ADARB2: variants seen among roughly 807,000 people sequenced by gnomAD.
The protein encoded by ADARB2 is inactive double-stranded RNA-specific editase B2.
A neutral mutation model predicts 62.2 loss-of-function variants in ADARB2; 25 were observed. That is an observed-to-expected ratio of 0.40 (90% CI 0.29 to 0.56). The LOEUF is 0.56. ADARB2 is among the 20% of genes least tolerant of loss of function. The pLI is 0.43. For synonymous variants in ADARB2, 572 were observed against 500.8 expected (o/e 1.14, Z -1.90); for missense variants, 1,071 against 1,077.4 (o/e 0.99, Z 0.08).
chr10:1,697,537 C>T (rs536577119), intron 1 of ADARB2, among the ~76,000 whole-genome samples: 1 of 152,308 alleles, frequency 6.6e-6, no homozygotes, highest in South Asian at 2.1e-4. Flanking sequence ...AAAGATTCAT[C>T]TACACAGATC....
At chr10:1,272,966 C>T (rs927280621) in intron 3 of ADARB2, among the ~76,000 whole-genome samples, 4 of 152,216 alleles carry the variant, frequency 2.6e-5, no homozygotes, top group Non-Finnish European at 5.9e-5. Flanking sequence ...GGCCTCCGGG[C>T]GTCCCTGGGT....
At chr10:1,185,659 GAC>G (rs1836743440) in intron 8 of ADARB2, among the ~76,000 whole-genome samples, 1 of 152,244 alleles carries the variant, frequency 6.6e-6, no homozygotes, top group Non-Finnish European at 1.5e-5. Flanking sequence ...ATTTCATGAT[GAC>G]AGTGGGGCGT....
chr10:1,245,997 C>T (rs1830983224), intron 4 of ADARB2, among the ~76,000 whole-genome samples: 1 of 151,588 alleles, frequency 6.6e-6, no homozygotes, highest in Admixed American at 6.6e-5. Flanking sequence ...TCTCCAGCAC[C>T]TGTTGTTTCC....
chr10:1,297,290 G>C (rs960951456), intron 3 of ADARB2, among the ~76,000 whole-genome samples: 3 of 152,188 alleles, frequency 2.0e-5, no homozygotes, highest in African/African-American at 7.2e-5. Flanking sequence ...CGTCAGCCGT[G>C]GTTATGGACC....
At chr10:1,457,392 G>A (rs2131905717) in intron 1 of ADARB2, among the ~76,000 whole-genome samples, 1 of 152,252 alleles carries the variant, frequency 6.6e-6, no homozygotes, top group East Asian at 1.9e-4. Context: ...TCTCATCTCA[G>A]GGTCTTTGTC....
chr10:1,362,980 C>T, intron 3 of ADARB2, 48 bp downstream of exon 3: 1 of 1,277,852 alleles, frequency 7.8e-7, no homozygotes, highest in Non-Finnish European at 9.9e-7. Flanking sequence ...GGGTCTCCCC[C>T]GCGCCCCCAG....
intron 1 of ADARB2, among the ~76,000 whole-genome samples, chr10:1,524,620 A>G (rs1832117558): frequency 6.6e-6 from 1 of 152,174 alleles, no homozygotes. Context: ...TTTCACAGGA[A>G]TCTATTTCTG....
At chr10:1,731,838 G>A (rs1173978466) in intron 1 of ADARB2, among the ~76,000 whole-genome samples, 1 of 152,094 alleles carries the variant, frequency 6.6e-6, no homozygotes, top group East Asian at 1.9e-4. Flanking sequence ...AGGGCAGCCA[G>A]GCTTTTCATA....
intron 1 of ADARB2, among the ~76,000 whole-genome samples, chr10:1,586,029 A>G (rs530502847): frequency 1.1e-4 from 17 of 152,292 alleles, no homozygotes; most frequent in South Asian, 1.0e-3. Flanking sequence ...GCGAGACTCC[A>G]TCTCAAACAA....
chr10:1,512,578 A>G (rs1831950270), intron 1 of ADARB2, among the ~76,000 whole-genome samples: 1 of 152,250 alleles, frequency 6.6e-6, no homozygotes, highest in South Asian at 2.1e-4. Flanking sequence ...GCTATTTCCA[A>G]ATAAATCCAA....
intron 1 of ADARB2, among the ~76,000 whole-genome samples, chr10:1,387,144 G>A (rs2820599): frequency 0.94 from 142,138 of 151,928 alleles, 67,213 homozygotes; most frequent in Non-Finnish European, 1. Flanking sequence ...TTAGCTCTAA[G>A]TTTATGCTTA....
intron 3 of ADARB2, among the ~76,000 whole-genome samples, chr10:1,338,174 A>G (rs936602277): frequency 6.6e-6 from 1 of 152,162 alleles, no homozygotes; most frequent in African/African-American, 2.4e-5. Flanking sequence ...AAAAATAGGG[A>G]GTGTCTTAAG....
rs1480999081 is a variant in ADARB2, at chr10:1,255,145, G to T, written c.1193-12846C>A. On this transcript the variant is annotated intron_variant, in intron 4 of 9. Transcript: ENST00000381312. This position sits in a 1 kb window ranked among gnomAD's most constrained non-coding sequence, Gnocchi z 4.7. ...GGAGCAAGCGGGGCCAATGCTCTGAGCTCCTCATGGGGCCAAAACATGAGG... is the reference window on the plus strand; with the variant it reads ...GGAGCAAGCGGGGCCAATGCTCTGATCTCCTCATGGGGCCAAAACATGAGG... 6.6e-6 allele frequency among the ~76,000 whole-genome samples: 1 copy of T among 152,266 alleles called. No individual in the cohort carries two copies. The highest frequency in any genetic ancestry group is 1.5e-5 in the Non-Finnish European group (1 of 68,050).
chr10:1,557,355 C>G (rs11250623), intron 1 of ADARB2, among the ~76,000 whole-genome samples: 51,723 of 151,876 alleles, frequency 0.34, 9,378 homozygotes, highest in South Asian at 0.43. Flanking sequence ...AGCTCCAACT[C>G]TCAACCCGTC....
intron 3 of ADARB2, among the ~76,000 whole-genome samples, chr10:1,359,527 GACACACAAGTCTATC>G (rs1379034306): frequency 6.6e-6 from 1 of 152,218 alleles, no homozygotes; most frequent in Non-Finnish European, 1.5e-5. Flanking sequence ...AAATTCGGAT[GACACACAAGTCTATC>G]GTACGTCATC....
Position 1,193,606 on chromosome 10 carries a change from C to G in ADARB2, c.1864+6360G>C, listed in dbSNP as rs1014562752. On this transcript the variant is annotated intron_variant, in intron 8 of 9. Transcript: ENST00000381312. ...TCATTTGAGATTGTTTTTCTTAAGC[C>G]CAGATAACACATGGAGTGTTTTCTG... 4.6e-5 allele frequency among the ~76,000 whole-genome samples: 7 copies of G among 152,138 alleles called. No homozygotes were observed. In the East Asian group the frequency reaches 1.2e-3, roughly 25 times the overall value.
At chr10:1,450,970 G>T (rs1294100893) in intron 1 of ADARB2, among the ~76,000 whole-genome samples, 1 of 152,208 alleles carries the variant, frequency 6.6e-6, no homozygotes, top group Non-Finnish European at 1.5e-5. Context: ...CCTGCGAATA[G>T]GCACAGCAGC....
chr10:1,345,346 C>T (rs777259295), intron 3 of ADARB2, among the ~76,000 whole-genome samples: 3 of 152,212 alleles, frequency 2.0e-5, no homozygotes, highest in Non-Finnish European at 2.9e-5. Context: ...TGAGGTTGCT[C>T]AGAGTCTGCA....
intron 1 of ADARB2, among the ~76,000 whole-genome samples, chr10:1,381,173 T>TATAC (rs897505356): frequency 8.1e-4 from 123 of 151,588 alleles, no homozygotes; most frequent in African/African-American, 2.7e-3. Context: ...TTTGTGCATA[T>TATAC]ACACACACAC....
Sources: allele counts gnomAD v4.1 joint callset (sites outside exome capture counted in the v4.1 genomes callset), GRCh38; gene constraint gnomAD v4.1.1; non-coding constraint Gnocchi (gnomAD v3.1); transcripts MANE v1.5; gene names NCBI Gene and HGNC (gene_info 2026-07-23, HGNC 2026-07-21).